Variants in LYPLAL1 observed in about 807,000 individuals in gnomAD.
LYPLAL1 encodes the protein lysophospholipase-like protein 1.
In LYPLAL1, 23 loss-of-function variants were observed where a neutral mutation model predicts 19.7. The ratio of observed to expected loss-of-function variants is 1.17; its 90% CI spans 0.84 to 1.65. The LOEUF (loss-of-function observed/expected upper bound fraction) is 1.65. LYPLAL1 is among the 40% of genes most tolerant of loss of function. The probability of loss-of-function intolerance (pLI) is 0.00; values close to 1 mark genes in which losing one functional copy is unlikely to be tolerated. For missense variants in LYPLAL1, 355 were observed against 279.4 expected, an observed-to-expected ratio of 1.27 and a Z score of -1.93; for synonymous variants, 119 against 96.3, an observed-to-expected ratio of 1.24 and a Z score of -1.38.
At chr1:219,316,598 C>T in the LYPLAL1 span, among the ~76,000 whole-genome samples, 502 of 152,204 alleles carry the variant, frequency 3.3e-3, no homozygotes, top group Non-Finnish European at 5.6e-3. Context: ...AGATGTTTGT[C>T]CATAGCAGCA....
chr1:219,233,294 A>G, the LYPLAL1 span, among the ~76,000 whole-genome samples: 3 of 152,234 alleles, frequency 2.0e-5, no homozygotes, highest in Admixed American at 6.5e-5. Context: ...GGTATCTAGA[A>G]TAGTTCAACT....
chr1:219,201,092 T>C (rs756211128), intron 3 of LYPLAL1, among the ~76,000 whole-genome samples: 1 of 152,220 alleles, frequency 6.6e-6, no homozygotes, highest in Non-Finnish European at 1.5e-5. Flanking sequence ...TAGAACCTTA[T>C]TACATTGATT....
chr1:219,437,340 C>T, the LYPLAL1 span, among the ~76,000 whole-genome samples: 1 of 152,102 alleles, frequency 6.6e-6, no homozygotes, highest in Non-Finnish European at 1.5e-5. Flanking sequence ...ATAACTAGGA[C>T]ATCCTGTTTT....
intron 2 of LYPLAL1, among the ~76,000 whole-genome samples, chr1:219,191,689 T>TA (rs1157957102): frequency 6.6e-6 from 1 of 151,300 alleles, no homozygotes; most frequent in Admixed American, 6.6e-5. Flanking sequence ...TAGAGATGGG[T>TA]AAAAAATGAA....
At chr1:219,235,750 G>A in the LYPLAL1 span, among the ~76,000 whole-genome samples, 1 of 152,116 alleles carries the variant, frequency 6.6e-6, no homozygotes, top group Non-Finnish European at 1.5e-5. Flanking sequence ...TGGAGATTAA[G>A]TACACTATAC....
chr1:219,251,541 C>T, the LYPLAL1 span, among the ~76,000 whole-genome samples: 2 of 119,282 alleles, frequency 1.7e-5, no homozygotes, highest in Non-Finnish European at 3.7e-5. Context: ...GGAGTCTTTT[C>T]CCCACTGATT....
At chr1:219,210,772 C>T in intron 4 of LYPLAL1, 125 bp downstream of exon 4, 1 of 847,112 alleles carries the variant, frequency 1.2e-6, no homozygotes, top group East Asian at 2.9e-5. Context: ...ATGGATTGAC[C>T]ATTCCTGGAA....
chr1:219,439,992 C>CATATATATATATATAT, the LYPLAL1 span, among the ~76,000 whole-genome samples: 150 of 32,340 alleles, frequency 4.6e-3, 1 homozygote, highest in Admixed American at 0.011. Flanking sequence ...TATATATATA[C>CATATATATATATATAT]ACACATATAT....
At chr1:219,414,242 A>G in the LYPLAL1 span, among the ~76,000 whole-genome samples, 1 of 152,130 alleles carries the variant, frequency 6.6e-6, no homozygotes, top group African/African-American at 2.4e-5. Context: ...TTTTAGTTTT[A>G]TCTCTTTATG....
chr1:219,287,747 C>T, the LYPLAL1 span, among the ~76,000 whole-genome samples: 7 of 152,226 alleles, frequency 4.6e-5, no homozygotes, highest in South Asian at 4.1e-4. Flanking sequence ...ACCCAAATCT[C>T]GTGTCGAACT....
chr1:219,312,491 C>T, the LYPLAL1 span, among the ~76,000 whole-genome samples: 1 of 152,130 alleles, frequency 6.6e-6, no homozygotes, highest in South Asian at 2.1e-4. Context: ...CATGAGGATA[C>T]AGGCAGACCC....
At chr1:219,426,621 CAG>C in the LYPLAL1 span, among the ~76,000 whole-genome samples, 1 of 150,118 alleles carries the variant, frequency 6.7e-6, no homozygotes, top group African/African-American at 2.5e-5. Flanking sequence ...TTTCTTGAGA[CAG>C]AGTCTCACTT....
At chr1:219,192,006 C>T (rs1572176755) in intron 2 of LYPLAL1, among the ~76,000 whole-genome samples, 1 of 151,332 alleles carries the variant, frequency 6.6e-6, no homozygotes. Context: ...CCTTGACGTT[C>T]AAGCCCCTTA....
the LYPLAL1 span, among the ~76,000 whole-genome samples, chr1:219,237,458 G>T: frequency 9.9e-5 from 15 of 152,126 alleles, no homozygotes; most frequent in Non-Finnish European, 2.1e-4. Context: ...CATTTTATTG[G>T]ATAATGTGAT....
At chr1:219,224,512 C>T in the LYPLAL1 span, among the ~76,000 whole-genome samples, 1 of 152,056 alleles carries the variant, frequency 6.6e-6, no homozygotes, top group Non-Finnish European at 1.5e-5. Context: ...CATATGGAAA[C>T]AGAGATCCAA....
chr1:219,390,656 T>C, the LYPLAL1 span, among the ~76,000 whole-genome samples: 2 of 152,216 alleles, frequency 1.3e-5, no homozygotes, highest in Non-Finnish European at 2.9e-5. Flanking sequence ...TGCTCATTTA[T>C]TTACATCTCT....
chr1:219,224,377 G>A, the LYPLAL1 span, among the ~76,000 whole-genome samples: 4 of 151,932 alleles, frequency 2.6e-5, no homozygotes, highest in Admixed American at 6.6e-5. Context: ...TTTTTGAGGG[G>A]GACTTCTTAA....
At chr1:219,186,633 C>G (rs936380677) in intron 2 of LYPLAL1, among the ~76,000 whole-genome samples, 3 of 151,594 alleles carry the variant, frequency 2.0e-5, no homozygotes, top group African/African-American at 7.3e-5. Context: ...TCTCAGCTTC[C>G]CTATGCTTAT....
chr1:219,367,743 G>T, the LYPLAL1 span, among the ~76,000 whole-genome samples: 2 of 152,178 alleles, frequency 1.3e-5, no homozygotes, highest in African/African-American at 4.8e-5. Flanking sequence ...GCTTAGTGTT[G>T]TATTTAATTA....
Sources: gnomAD v4.1 joint callset for allele counts (sites outside exome capture counted in the v4.1 genomes callset) on GRCh38, gnomAD v4.1.1 for gene constraint, MANE v1.5 for transcripts, NCBI Gene and HGNC (gene_info 2026-07-23, HGNC 2026-07-21) for gene names.